Variants in CPQ observed in about 807,000 individuals in gnomAD.
CPQ encodes Ser-Met dipeptidase.
Under a neutral mutation model 45.7 loss-of-function variants are expected in CPQ, and 37 were observed. The ratio of observed to expected loss-of-function variants is 0.81; its 90% confidence interval spans 0.62 to 1.07. The LOEUF (loss-of-function observed/expected upper bound fraction) is 1.07. CPQ is among the 50% of genes least tolerant of loss of function. The probability of loss-of-function intolerance (pLI) is 0.00; values close to 1 mark genes in which losing one functional copy is unlikely to be tolerated. For synonymous variants in CPQ, 186 were observed against 205.8 expected (o/e 0.90, Z 0.82); for missense variants, 537 against 572.9 (o/e 0.94, Z 0.64).
intron 5 of CPQ, among the ~76,000 whole-genome samples, chr8:96,989,525 GGA>G (rs1809054319): frequency 6.6e-6 from 1 of 151,122 alleles, no homozygotes; most frequent in Non-Finnish European, 1.5e-5. Context: ...GGAGAGGAGA[GGA>G]GAGAGGAGAG....
chr8:96,931,041 A>G (rs1399303854), intron 4 of CPQ, among the ~76,000 whole-genome samples: 1 of 152,174 alleles, frequency 6.6e-6, no homozygotes, highest in Non-Finnish European at 1.5e-5. Context: ...AATGACTACG[A>G]CACACTGAAG....
intron 5 of CPQ, among the ~76,000 whole-genome samples, chr8:97,019,768 G>C (rs1392481643): frequency 1.3e-5 from 2 of 152,124 alleles, no homozygotes; most frequent in Non-Finnish European, 2.9e-5. Context: ...CAGCACCACA[G>C]TAATAGTGGG....
intron 1 of CPQ, among the ~76,000 whole-genome samples, chr8:96,677,324 A>G (rs974532251): frequency 2.6e-5 from 4 of 151,984 alleles, no homozygotes; most frequent in Non-Finnish European, 5.9e-5. Flanking sequence ...CACCACATAC[A>G]CACCAACATT....
At chr8:96,719,119 G>C (rs1809727351) in intron 1 of CPQ, among the ~76,000 whole-genome samples, 1 of 152,216 alleles carries the variant, frequency 6.6e-6, no homozygotes, top group African/African-American at 2.4e-5. Flanking sequence ...GATAGGACTG[G>C]GTGCCGTGGA....
chr8:97,042,613 G>A (rs2130492083), intron 6 of CPQ, among the ~76,000 whole-genome samples: 1 of 151,506 alleles, frequency 6.6e-6, no homozygotes, highest in East Asian at 1.9e-4. Context: ...GCTTTCTCTT[G>A]TGGGCATTTA....
chr8:96,888,786 CAGT>C (rs1341887941), intron 4 of CPQ, among the ~76,000 whole-genome samples: 26 of 152,284 alleles, frequency 1.7e-4, no homozygotes, highest in Admixed American at 5.2e-4. Flanking sequence ...TTTTGTGAAA[CAGT>C]AGGATGAGGC....
In CPQ at chr8:96,786,030, A is replaced by T. The variant is rs143906672; in HGVS notation, c.433+700A>T. Among the ~76,000 whole-genome samples the T allele has an allele frequency of 3.1e-3, 467 of 152,278 alleles. 13 individuals are homozygous for T. In the East Asian group the frequency reaches 0.042, roughly 14 times the overall value. ...TCAGTTTAAAACATTATTTATTGAG[A>T]TATAATTCACATACTATGATGTTCA... On this transcript the variant is annotated intron_variant, in intron 2 of 7. Coordinates refer to ENST00000220763, the MANE Select transcript of CPQ (RefSeq NM_016134.4).
intron 2 of CPQ, among the ~76,000 whole-genome samples, chr8:96,802,535 T>C (rs1276318326): frequency 6.6e-6 from 1 of 152,224 alleles, no homozygotes; most frequent in Admixed American, 6.5e-5. Context: ...TGTGAGACTC[T>C]TTACAGTCCT....
chr8:96,664,420 G>T (rs974489809), intron 1 of CPQ, among the ~76,000 whole-genome samples: 7 of 152,220 alleles, frequency 4.6e-5, no homozygotes, highest in Non-Finnish European at 8.8e-5. Context: ...CTGAGCATGA[G>T]GGGGAATAGG....
intron 1 of CPQ, among the ~76,000 whole-genome samples, chr8:96,693,143 T>C (rs1809325412): frequency 6.7e-6 from 1 of 150,242 alleles, no homozygotes; most frequent in African/African-American, 2.5e-5. Context: ...ATACGCAAAG[T>C]AGACAAAAGA....
chr8:97,005,882 A>G (rs1809373355), intron 5 of CPQ, among the ~76,000 whole-genome samples: 1 of 152,200 alleles, frequency 6.6e-6, no homozygotes, highest in Non-Finnish European at 1.5e-5. Context: ...TTTTTATCAT[A>G]TATGCATACA....
chr8:97,116,295 G>C (rs1811592751), intron 7 of CPQ, among the ~76,000 whole-genome samples: 1 of 152,162 alleles, frequency 6.6e-6, no homozygotes, highest in African/African-American at 2.4e-5. Flanking sequence ...CAGTCAGGGA[G>C]AATGTCCCCT....
intron 1 of CPQ, among the ~76,000 whole-genome samples, chr8:96,744,043 G>C (rs1005777415): frequency 6.6e-6 from 1 of 152,214 alleles, no homozygotes; most frequent in African/African-American, 2.4e-5. Context: ...ACCCAAGCAA[G>C]CCTGGGCAAT....
intron 2 of CPQ, among the ~76,000 whole-genome samples, chr8:96,820,161 C>G (rs941761147): frequency 2.0e-5 from 3 of 151,996 alleles, no homozygotes; most frequent in Admixed American, 2.0e-4. Flanking sequence ...TCAACATTGT[C>G]TTGTCCCTTC....
intron 5 of CPQ, among the ~76,000 whole-genome samples, chr8:96,979,726 G>A (rs1801068912): frequency 6.6e-6 from 1 of 152,168 alleles, no homozygotes; most frequent in Non-Finnish European, 1.5e-5. Flanking sequence ...TAGGCTCCTC[G>A]ACTCCTGCAA....
intron 4 of CPQ, among the ~76,000 whole-genome samples, chr8:96,926,123 G>GTT (rs1031043650): frequency 6.6e-6 from 1 of 152,222 alleles, no homozygotes; most frequent in Non-Finnish European, 1.5e-5. Flanking sequence ...CTTAAGGACA[G>GTT]TTGTAATTGG....
At chr8:97,100,933 A>C (rs1420865622) in intron 7 of CPQ, among the ~76,000 whole-genome samples, 1 of 152,224 alleles carries the variant, frequency 6.6e-6, no homozygotes, top group Admixed American at 6.5e-5. Context: ...ATAATTTTAC[A>C]GTTCAATTTG....
chr8:97,073,877 T>G (rs1001442552), intron 7 of CPQ, among the ~76,000 whole-genome samples: 11 of 152,224 alleles, frequency 7.2e-5, no homozygotes, highest in African/African-American at 1.7e-4. Context: ...ATTCACTGAC[T>G]GCTATTTGCT....
At chr8:96,913,831 T>C (rs971072454) in intron 4 of CPQ, among the ~76,000 whole-genome samples, 1 of 152,208 alleles carries the variant, frequency 6.6e-6, no homozygotes, top group Admixed American at 6.5e-5. Context: ...CATTGCTTTG[T>C]TGTTTACACA....
Sources: gnomAD v4.1 joint callset for allele counts (sites outside exome capture counted in the v4.1 genomes callset) on GRCh38, gnomAD v4.1.1 for gene constraint, MANE v1.5 for transcripts, NCBI Gene and HGNC (gene_info 2026-07-23, HGNC 2026-07-21) for gene names.